Variants in COL13A1 observed in about 807,000 individuals in gnomAD.
The protein encoded by COL13A1 is collagen type XIII alpha 1 chain.
In COL13A1, 89 loss-of-function variants were observed where a neutral mutation model predicts 130.9. The observed-to-expected ratio is 0.68, with a 90% CI of 0.57 to 0.81. COL13A1 has a LOEUF of 0.81. Ranked by LOEUF, COL13A1 falls within the 30% of genes least tolerant of loss-of-function variation. The probability of loss-of-function intolerance (pLI) is 0.00; values close to 1 mark genes in which losing one functional copy is unlikely to be tolerated. For missense variants in COL13A1, 879 were observed against 934.6 expected, an observed-to-expected ratio of 0.94 and a Z score of 0.78; for synonymous variants, 402 against 341.6, an observed-to-expected ratio of 1.18 and a Z score of -1.95.
At chr10:69,940,931 T>C in intron 34 of COL13A1, 57 bp from the exon 35 acceptor site, 1 of 1,613,030 alleles carries the variant, frequency 6.2e-7, no homozygotes, top group Non-Finnish European at 8.5e-7. Flanking sequence ...TGTTCCCTTT[T>C]TCTCCCTCCC....
At chr10:69,831,052 G>A (rs1313309089) in intron 2 of COL13A1, among the ~76,000 whole-genome samples, 1 of 152,098 alleles carries the variant, frequency 6.6e-6, no homozygotes, top group East Asian at 1.9e-4. Context: ...TTGCTTTTAA[G>A]CCTCTCTGAA....
intron 17 of COL13A1, among the ~76,000 whole-genome samples, chr10:69,912,569 G>T (rs952840101): frequency 2.4e-5 from 1 of 41,044 alleles, no homozygotes; most frequent in Non-Finnish European, 5.4e-5. Flanking sequence ...ACCCCTCCCC[G>T]CAAACTCCCC....
At chr10:69,870,444 C>G (rs2058948482) in intron 3 of COL13A1, among the ~76,000 whole-genome samples, 1 of 151,184 alleles carries the variant, frequency 6.6e-6, no homozygotes, top group Non-Finnish European at 1.5e-5. Context: ...TCCCAAGTAG[C>G]TAGGACTACA....
At position 69,925,829 on chromosome 10, in the gene COL13A1, G is replaced by T; in HGVS notation, c.1355G>T (p.Gly452Val). The T allele has an allele frequency of 6.2e-7, 1 of 1,601,184 alleles. No homozygotes were observed. Among genetic ancestry groups the T allele is most frequent in the South Asian group, 1.1e-5 (1 of 87,986 alleles). ...PKGSKGEPGK[G>V]EMVDYNGNIN... is the part of the protein sequence containing the mutation. The stretch of plus-strand genomic sequence containing the variant: ...GGCTCCAAGGGAGAACCAGGGAAAG[G>T]AGAGATGGTGGATTACAATGGAAAC... The change falls in exon 26 of 41, where the codon GGA becomes GTA. Residue 452 changes from glycine (G) to valine (V), a missense_variant. This residue lies in a region of COL13A1 where 715 missense variants were observed against 721.0 expected (regional missense o/e 0.99). Transcript: ENST00000645393.
chr10:69,911,662 G>A (rs961444065), intron 17 of COL13A1, among the ~76,000 whole-genome samples: 1 of 152,240 alleles, frequency 6.6e-6, no homozygotes, highest in Non-Finnish European at 1.5e-5. Context: ...AGAGAAGGCT[G>A]GATTCAGGCC....
chr10:69,855,409 AC>A (rs1429618692), intron 2 of COL13A1, among the ~76,000 whole-genome samples: 3 of 152,324 alleles, frequency 2.0e-5, no homozygotes, highest in African/African-American at 7.2e-5. Context: ...AGAGACAGGG[AC>A]AAAAATGATG....
At chr10:69,932,455 CT>C in intron 30 of COL13A1, 104 bp from the exon 31 acceptor site, 6 of 777,892 alleles carry the variant, frequency 7.7e-6, no homozygotes, top group Non-Finnish European at 8.9e-6. Flanking sequence ...TTGTTGACCC[CT>C]AGACCAGTCA....
rs2062322192 is a variant in COL13A1 at position 69,902,678 on chromosome 10, G to A, written c.751-70G>A. 12 of 1,315,592 alleles carry A rather than the reference G, an allele frequency of 9.1e-6. No homozygotes were observed. The South Asian group carries it at 1.5e-4, about 17-fold the overall frequency. The allele number at this position is 1,315,592 out of a possible 1,614,324, so 81.5% of individuals were successfully genotyped here. A position where few individuals can be genotyped will look rare whatever the true frequency, so the allele number is the denominator to read the frequency against. ...CACAGCAGGCCTTCACTGGGTGCAT[G>A]GCCTGAGGGTGGGGGACGGTCTGCA... is the stretch of plus-strand genomic sequence containing the variant. On this transcript the variant is annotated intron_variant, in intron 14 of 40. Transcript: ENST00000645393.
intron 2 of COL13A1, chr10:69,860,660 C>T (rs777811504): frequency 4.0e-5 from 6 of 148,620 alleles, no homozygotes; most frequent in Non-Finnish European, 7.2e-5. Context: ...TGGGCATCAC[C>T]CTCCATCCCC....
intron 17 of COL13A1, among the ~76,000 whole-genome samples, chr10:69,913,722 A>G (rs1416396756): frequency 1.3e-5 from 2 of 152,146 alleles, no homozygotes; most frequent in African/African-American, 2.4e-5. Flanking sequence ...AGGAGAAGCC[A>G]TTCCCCAGTT....
At chr10:69,843,277 G>T (rs1852111263) in intron 2 of COL13A1, among the ~76,000 whole-genome samples, 1 of 151,968 alleles carries the variant, frequency 6.6e-6, no homozygotes, top group South Asian at 2.1e-4. Context: ...AGCGAGAAGA[G>T]GAGGAGGAGT....
intron 38 of COL13A1, among the ~76,000 whole-genome samples, chr10:69,949,506 G>GAACCAAGAT (rs1372830193): frequency 2.0e-5 from 3 of 152,152 alleles, no homozygotes; most frequent in Non-Finnish European, 4.4e-5. Context: ...ATCTTACAGT[G>GAACCAAGAT]AACCAAGATA....
intron 21 of COL13A1, among the ~76,000 whole-genome samples, chr10:69,920,430 T>G (rs1412220940): frequency 1.3e-5 from 2 of 152,178 alleles, no homozygotes; most frequent in African/African-American, 4.8e-5. Flanking sequence ...GTGCACTGAA[T>G]ATGTCCATCC....
chr10:69,935,264 T>C (rs546526968), intron 31 of COL13A1, 86 bp from the exon 32 acceptor site: 1 of 1,185,736 alleles, frequency 8.4e-7, no homozygotes, highest in Non-Finnish European at 1.2e-6. Flanking sequence ...TGTCCTCCTC[T>C]GGCCTTGCAG....
At chr10:69,897,173 G>C (rs1366122492) in intron 13 of COL13A1, among the ~76,000 whole-genome samples, 2 of 152,194 alleles carry the variant, frequency 1.3e-5, no homozygotes, top group Non-Finnish European at 2.9e-5. Context: ...CATGTCAAGC[G>C]TGGGGTGGGG....
chr10:69,956,649 G>T, intron 39 of COL13A1: 2 of 237,180 alleles, frequency 8.4e-6, no homozygotes, highest in South Asian at 1.6e-4. Flanking sequence ...AACTGAGGCC[G>T]CCTTGTGCTG....
chr10:69,936,662 A>G (rs1411389673), intron 32 of COL13A1, 94 bp from the exon 33 acceptor site: 2 of 1,509,946 alleles, frequency 1.3e-6, no homozygotes. Flanking sequence ...CTCTGCACCC[A>G]AAACCCTTGT....
At chr10:69,863,887 GGCAACATAGTGAAACTCCA>G (rs1858988294) in intron 2 of COL13A1, among the ~76,000 whole-genome samples, 1 of 152,070 alleles carries the variant, frequency 6.6e-6, no homozygotes, top group Admixed American at 6.6e-5. Flanking sequence ...GACCAGCCTG[GGCAACATAGTGAAACTCCA>G]TCCTTACAAA....
chr10:69,812,097 G>A (rs149468404), intron 1 of COL13A1, among the ~76,000 whole-genome samples: 98 of 152,274 alleles, frequency 6.4e-4, no homozygotes, highest in Non-Finnish European at 9.4e-4. Flanking sequence ...GTGTAATCAC[G>A]CCGTCTCCTG....
Sources: gnomAD v4.1 joint callset for allele counts (sites outside exome capture counted in the v4.1 genomes callset) on GRCh38, gnomAD v4.1.1 for gene constraint, gnomAD v4.1.1 regional missense constraint, MANE v1.5 for transcripts, NCBI Gene and HGNC (gene_info 2026-07-23, HGNC 2026-07-21) for gene names.